Variants in GANAB observed in about 807,000 individuals in gnomAD.
The protein encoded by GANAB is glucosidase II alpha subunit, also known as neutral alpha-glucosidase AB.
In GANAB, 35 loss-of-function variants were observed where a neutral mutation model predicts 129.9. The observed-to-expected ratio is 0.27, with a 90% CI of 0.21 to 0.36. The LOEUF (loss-of-function observed/expected upper bound fraction) is 0.36, where lower values mean the gene tolerates loss of function less well. Among genes scored for constraint, GANAB ranks in the 10% least tolerant of loss-of-function variants. GANAB has a pLI of 1.00. For synonymous variants in GANAB, 482 were observed against 451.8 expected (o/e 1.07, Z -0.85); for missense variants, 939 against 1,221.0 (o/e 0.77, Z 3.44).
In GANAB at chr11:62,624,895, A is replaced by C; in HGVS notation, c.*920T>G. 3.8e-6 allele frequency: 1 copy of C among 261,856 alleles called. No homozygotes were observed. Among genetic ancestry groups the C allele is most frequent in the East Asian group, 1.3e-4 (1 of 7,514 alleles). 16.2% of individuals were successfully genotyped at this position (261,856 alleles called of 1,614,324 possible). On this transcript the variant is annotated 3_prime_UTR_variant, in exon 24 of 24. Coordinates refer to ENST00000356638, the MANE Select transcript of GANAB (RefSeq NM_198334.3). ...GTGTCACAGCTGGGAACCAAGAGGA[A>C]GTAAAAAAAATACCCACAAATATTC...
intron 9 of GANAB, among the ~76,000 whole-genome samples, chr11:62,632,116 G>A (rs939920270): frequency 6.6e-6 from 1 of 151,684 alleles, no homozygotes; most frequent in Non-Finnish European, 1.5e-5. Flanking sequence ...TGGGATTACA[G>A]GAGTCCGCCG....
At chr11:62,638,513 T>G (rs1424616218) in intron 4 of GANAB, among the ~76,000 whole-genome samples, 1 of 151,964 alleles carries the variant, frequency 6.6e-6, no homozygotes, top group Non-Finnish European at 1.5e-5. Flanking sequence ...CATGGAACAC[T>G]GGTGACAGAG....
chr11:62,629,716 G>A, intron 14 of GANAB, 32 bp from the exon 15 acceptor site: 2 of 1,605,148 alleles, frequency 1.2e-6, no homozygotes, highest in South Asian at 2.2e-5. Context: ...GGGTAGTGAG[G>A]AGCAAAAGCC....
chr11:62,634,991 G>A lies in GANAB; in HGVS notation c.390C>T (p.Val130=), dbSNP rs368063186. The change falls in exon 5 of 24, where the codon GTC becomes GTT. Residue 130 remains valine (V), a synonymous_variant. Coordinates refer to ENST00000356638, the MANE Select transcript of GANAB (RefSeq NM_198334.3). Reference sequence around the variant, plus strand: ...CCACACTGTTCTCATCACGACCAGAGACAGAAAGCCTGGGAAACATATCAA... The same window carrying A: ...CCACACTGTTCTCATCACGACCAGAAACAGAAAGCCTGGGAAACATATCAA... ...VADPPIARLS[V]SGRDENSVEL... The A allele has an allele frequency of 6.2e-7, 1 of 1,610,382 alleles. No individual in the cohort carries two copies. Among genetic ancestry groups the A allele is most frequent in the Non-Finnish European group, 8.5e-7 (1 of 1,177,006 alleles).
intron 5 of GANAB, 95 bp downstream of exon 5, chr11:62,634,726 G>A: frequency 2.0e-6 from 2 of 1,022,784 alleles, no homozygotes; most frequent in Non-Finnish European, 2.9e-6. Context: ...GCCCTACCTG[G>A]CTGTCCCACC....
Position 62,626,841 on chromosome 11 carries a change from C to G in GANAB, c.2397+19G>C, listed in dbSNP as rs1943405397. 1 of 1,582,366 alleles carries G rather than the reference C, an allele frequency of 6.3e-7. No homozygotes were observed. Among genetic ancestry groups the G allele is most frequent in the Admixed American group, 1.7e-5 (1 of 59,266 alleles). On this transcript the variant is annotated intron_variant, in intron 20 of 23. Transcript: ENST00000356638. ...ATTTACAGGGAGATGGAACCGGCAG[C>G]CAGACCAGGCTTACTCACACTGCTT...
intron 17 of GANAB, 152 bp downstream of exon 17, chr11:62,628,617 C>T (rs1943514409): frequency 1.8e-5 from 14 of 767,424 alleles, no homozygotes; most frequent in Non-Finnish European, 3.0e-5. Flanking sequence ...TATTATTCAT[C>T]TCCATTAAGC....
Position 62,642,182 on chromosome 11 carries a change from C to A in GANAB, c.39-2451G>T, listed in dbSNP as rs565460393. On this transcript the variant is annotated intron_variant, in intron 1 of 23. Coordinates refer to ENST00000356638, the MANE Select transcript of GANAB (RefSeq NM_198334.3). ...GCAGATCATGCCATTGCACTCCAGCCTGGGCAACAGAGCGTGACTCTGACT... is the reference window on the plus strand; with the variant it reads ...GCAGATCATGCCATTGCACTCCAGCATGGGCAACAGAGCGTGACTCTGACT... Among the ~76,000 whole-genome samples the A allele has an allele frequency of 7.2e-5, 11 of 152,160 alleles. No individual in the cohort carries two copies. The South Asian group carries it at 1.9e-3, about 26-fold the overall frequency.
chr11:62,632,995 T>A lies in GANAB; in HGVS notation c.815+10A>T. The A allele has an allele frequency of 6.7e-7, 1 of 1,501,882 alleles. No individual in the cohort carries two copies. The highest frequency in any genetic ancestry group is 9.3e-7 in the Non-Finnish European group (1 of 1,077,956). 93.0% of individuals were successfully genotyped at this position (1,501,882 alleles called of 1,614,324 possible). ...CACCTCCATCTTCCTGATGTCACCATAGGACTCACTCAGTGACCTTCAGCC... is the reference window on the plus strand; with the variant it reads ...CACCTCCATCTTCCTGATGTCACCAAAGGACTCACTCAGTGACCTTCAGCC... On this transcript the variant is annotated intron_variant, in intron 8 of 23. Transcript: ENST00000356638.
chr11:62,639,326 AC>A (rs759045499), intron 3 of GANAB, 32 bp downstream of exon 3: 4 of 1,409,140 alleles, frequency 2.8e-6, no homozygotes, highest in Non-Finnish European at 4.0e-6. Context: ...CCATTGCCCC[AC>A]CCCCACCAGA....
intron 5 of GANAB, chr11:62,633,988 T>A: frequency 2.7e-6 from 1 of 368,000 alleles, no homozygotes; most frequent in East Asian, 5.0e-5. Context: ...AAAAATGCTT[T>A]CAAGGGCAAG....
Position 62,632,560 on chromosome 11 carries a change from C to A in GANAB, c.996+5G>T. The A allele has an allele frequency of 6.2e-7, 1 of 1,611,954 alleles. No homozygotes were observed. The highest frequency in any genetic ancestry group is 1.1e-5 in the South Asian group (1 of 90,994). On this transcript the variant is annotated splice_donor_5th_base_variant and intron_variant, in intron 9 of 23. Coordinates refer to ENST00000356638, the MANE Select transcript of GANAB (RefSeq NM_198334.3). Reference sequence around the variant, plus strand: ...CCTCCTTTTTCCCCGTGCCTGTGCTCTCACCTTCCCGGCAGTGTTGGAAGA... The same window carrying A: ...CCTCCTTTTTCCCCGTGCCTGTGCTATCACCTTCCCGGCAGTGTTGGAAGA...
chr11:62,641,095 C>A (rs1010963305), intron 1 of GANAB, among the ~76,000 whole-genome samples: 1 of 151,848 alleles, frequency 6.6e-6, no homozygotes, highest in Non-Finnish European at 1.5e-5. Flanking sequence ...TGTAATCCCA[C>A]CACTTTGGGA....
At chr11:62,633,717 A>C (rs1359650360) in intron 5 of GANAB, 10 of 600,458 alleles carry the variant, frequency 1.7e-5, no homozygotes, top group Middle Eastern at 3.6e-4. Flanking sequence ...AGAAAGGAAA[A>C]TGAGGAATAA....
Position 62,630,469 on chromosome 11 carries a change from A to G in GANAB, c.1423T>C (p.Ser475Pro), listed in dbSNP as rs780058278. The G allele has an allele frequency of 5.0e-6, 8 of 1,614,070 alleles. No homozygotes were observed. The Admixed American group carries it at 8.3e-5, about 17-fold the overall frequency. Reference sequence around the variant, plus strand: ...AGCTCCTCGTGAACTCGGTAGCCGGAGTCCACCTTGATGTGGGGGTCTACG... The same window carrying G: ...AGCTCCTCGTGAACTCGGTAGCCGGGGTCCACCTTGATGTGGGGGTCTACG... The part of the protein sequence containing the change: ...AIVDPHIKVD[S>P]GYRVHEELRN... Residue 475 changes from serine (S) to proline (P), a missense_variant, in exon 12 of 24, where the codon TCC becomes CCC. Ser to Pro is a moderately conservative substitution (Grantham distance 74). Transcript: ENST00000356638.
chr11:62,627,317 G>T lies in GANAB; in HGVS notation c.2217C>A (p.Thr739=), dbSNP rs750845882. The part of the protein sequence containing the change: ...LWVQYPQDVT[T]FNIDDQYLLG... The stretch of plus-strand genomic sequence containing the variant: ...GCAAGTACTGATCATCTATATTGAA[G>T]GTAGTCACATCCTGAGGGTACTGCA... The change falls in exon 18 of 24, where the codon ACC becomes ACA. Residue 739 remains threonine, a synonymous_variant. Coordinates refer to ENST00000356638, the MANE Select transcript of GANAB (RefSeq NM_198334.3). 97 of 1,583,184 alleles carry T rather than the reference G, an allele frequency of 6.1e-5. No homozygotes were observed. Among genetic ancestry groups the T allele is most frequent in the Non-Finnish European group, 7.7e-5 (89 of 1,151,862 alleles).
rs1943753656 is a variant in GANAB at position 62,632,877 on chromosome 11, C to T, written c.815+128G>A. On this transcript the variant is annotated intron_variant, in intron 8 of 23. Coordinates refer to ENST00000356638, the MANE Select transcript of GANAB (RefSeq NM_198334.3). ...CCTTTCTCAAAAAATTTTCTATCAC[C>T]AAAGGTGATTCTGGACACAAGAAAT... 19 of 983,244 alleles carry T rather than the reference C, an allele frequency of 1.9e-5. 1 individual carries two copies. The South Asian group carries it at 2.6e-4, about 13-fold the overall frequency. 60.9% of individuals were successfully genotyped at this position (983,244 alleles called of 1,614,324 possible). A position where few individuals can be genotyped will look rare whatever the true frequency, so the allele number is the denominator to read the frequency against.
chr11:62,630,648 G>A lies in GANAB; in HGVS notation c.1339C>T (p.Pro447Ser). 6.2e-7 allele frequency: 1 copy of A among 1,614,212 alleles called. No homozygotes were observed. Among genetic ancestry groups the A allele is most frequent in the Non-Finnish European group, 8.5e-7 (1 of 1,180,028 alleles). ...CGCTCAAGCATGGTGCGGGGCTGAGGGAAGCGACTGGGGTCCCAGGTGAAA... is the reference window on the plus strand; with the variant it reads ...CGCTCAAGCATGGTGCGGGGCTGAGAGAAGCGACTGGGGTCCCAGGTGAAA... ...RYFTWDPSRF[P>S]QPRTMLERLA... Residue 447 changes from proline to serine, a missense_variant, in exon 11 of 24, where the codon CCT becomes TCT. Around this residue, in one of 5 missense-constraint regions of GANAB, gnomAD observed 220 missense variants for 295.9 expected, o/e 0.74. Coordinates refer to ENST00000356638, the MANE Select transcript of GANAB (RefSeq NM_198334.3).
chr11:62,626,866 T>C lies in GANAB; in HGVS notation c.2391A>G (p.Leu797=). The C allele has an allele frequency of 1.9e-6, 3 of 1,608,728 alleles. No individual in the cohort carries two copies. The highest frequency in any genetic ancestry group is 1.1e-5 in the South Asian group (1 of 90,794). Residue 797 remains leucine (L), a synonymous_variant, in exon 20 of 24, where the codon CTA becomes CTG. Coordinates refer to ENST00000356638, the MANE Select transcript of GANAB (RefSeq NM_198334.3). ...GPQTLYLPVT[L]SSIPVFQRGG... ...CCAGACCAGGCTTACTCACACTGCT[T>C]AGAGTTACAGGCAGGTACAGGGTCT...
Sources: allele counts gnomAD v4.1 joint callset (sites outside exome capture counted in the v4.1 genomes callset), GRCh38; gene constraint gnomAD v4.1.1; regional missense constraint gnomAD v4.1.1; transcripts MANE v1.5; gene names NCBI Gene and HGNC (gene_info 2026-07-23, HGNC 2026-07-21).